The following QKI variants were observed in gnomAD, a reference collection of about 807,000 sequenced individuals.
The protein encoded by QKI is KH domain-containing RNA-binding protein QKI.
In QKI, 10 loss-of-function variants were observed where a neutral mutation model predicts 39.0. The ratio of observed to expected loss-of-function variants is 0.26; its 90% CI spans 0.16 to 0.43. The LOEUF (loss-of-function observed/expected upper bound fraction) is 0.43. QKI is among the 20% of genes least tolerant of loss of function. The pLI, the probability that QKI is intolerant of heterozygous loss-of-function variation, is 1.00. For synonymous variants in QKI, 204 were observed against 155.4 expected, an observed-to-expected ratio of 1.31 and a Z score of -2.33; for missense variants, 218 against 428.0, an observed-to-expected ratio of 0.51 and a Z score of 4.33.
At position 163,478,166 on chromosome 6, in the gene QKI, A is replaced by G. The variant is rs185369581; in HGVS notation, c.286-614A>G. Among the ~76,000 whole-genome samples, 1,023 of 152,252 alleles carry G rather than the reference A, an allele frequency of 6.7e-3. 2 individuals are homozygous for G. Among genetic ancestry groups the G allele is most frequent in the South Asian group, 0.01 (49 of 4,830 alleles). On this transcript the variant is annotated intron_variant, in intron 2 of 7. Transcript: ENST00000361752. Reference sequence around the variant, plus strand: ...TTTTATTGTACAGTTTTTAATTTATACAATTATTGATATCACTGGCCTATT... The same window carrying G: ...TTTTATTGTACAGTTTTTAATTTATGCAATTATTGATATCACTGGCCTATT...
chr6:163,431,857 C>A (rs1167311006), intron 1 of QKI, among the ~76,000 whole-genome samples: 2 of 145,310 alleles, frequency 1.4e-5, no homozygotes, highest in South Asian at 2.2e-4. Flanking sequence ...CCCTGTAATT[C>A]TGCAATTTTA....
At chr6:163,505,092 G>T (rs911582456) in intron 3 of QKI, among the ~76,000 whole-genome samples, 1 of 152,176 alleles carries the variant, frequency 6.6e-6, no homozygotes, top group African/African-American at 2.4e-5. Flanking sequence ...CAAGCCCCAA[G>T]CCTTGGGAGC....
chr6:163,460,624 G>A (rs765518974), intron 2 of QKI, among the ~76,000 whole-genome samples: 4 of 152,114 alleles, frequency 2.6e-5, no homozygotes, highest in Admixed American at 6.6e-5. Flanking sequence ...TTGAGCTGGC[G>A]TTTGTTTTAG....
chr6:163,431,888 G>C (rs1049553723), intron 1 of QKI, among the ~76,000 whole-genome samples: 7 of 149,662 alleles, frequency 4.7e-5, no homozygotes, highest in African/African-American at 1.5e-4. Context: ...GGATTTGAGA[G>C]ATCGTAGACC....
intron 7 of QKI, chr6:163,567,264 A>C (rs1783422268): frequency 1.0e-6 from 1 of 987,482 alleles, no homozygotes; most frequent in Middle Eastern, 5.2e-4. Context: ...TTTTCTTTAT[A>C]ATAAAATATT....
intron 2 of QKI, among the ~76,000 whole-genome samples, chr6:163,475,887 GTTAAAA>G (rs1792552759): frequency 6.6e-6 from 1 of 152,066 alleles, no homozygotes; most frequent in Non-Finnish European, 1.5e-5. Context: ...TTTGAACTGT[GTTAAAA>G]TTAAAAACTT....
At position 163,575,414 on chromosome 6, in the gene QKI, A is replaced by T. The variant is rs534866128; in HGVS notation, c.*4704A>T. ...CATTTTTATACAGGTTACAATATTA[A>T]ACATGAAACTACCAAATTCCAAGAA... On this transcript the variant is annotated 3_prime_UTR_variant, in exon 8 of 8. Transcript: ENST00000361752. The T allele has an allele frequency of 2.6e-5, 4 of 152,354 alleles. No individual in the cohort carries two copies. In the South Asian group the frequency reaches 6.2e-4, roughly 24 times the overall value. 9.4% of individuals were successfully genotyped at this position (152,354 alleles called of 1,614,324 possible). A position where few individuals can be genotyped will look rare whatever the true frequency, so the allele number is the denominator to read the frequency against.
intron 3 of QKI, among the ~76,000 whole-genome samples, chr6:163,525,309 C>T (rs1418399523): frequency 6.8e-6 from 1 of 146,960 alleles, no homozygotes; most frequent in East Asian, 2.0e-4. Context: ...TCTCCCCTCT[C>T]TCCTCTTTTC....
chr6:163,573,529 T>C lies in QKI; in HGVS notation c.*2819T>C, dbSNP rs147007904. 2 of 152,324 alleles carry C rather than the reference T, an allele frequency of 1.3e-5. No homozygotes were observed. Among genetic ancestry groups the C allele is most frequent in the East Asian group, 3.9e-4 (2 of 5,188 alleles). 9.4% of individuals were successfully genotyped at this position (152,324 alleles called of 1,614,324 possible). On this transcript the variant is annotated 3_prime_UTR_variant, in exon 8 of 8. Transcript: ENST00000361752. ...GTTTTATATGTATGTTATATAACATTCAAAAAGAATTTTTTTCTTGATTGA... is the reference window on the plus strand; with the variant it reads ...GTTTTATATGTATGTTATATAACATCCAAAAAGAATTTTTTTCTTGATTGA...
At chr6:163,464,278 A>ATTT (rs146851251) in intron 2 of QKI, among the ~76,000 whole-genome samples, 8 of 147,118 alleles carry the variant, frequency 5.4e-5, no homozygotes, top group African/African-American at 2.0e-4. Context: ...ATTTCCTGGG[A>ATTT]TTTTTTTTTT....
intron 1 of QKI, among the ~76,000 whole-genome samples, chr6:163,442,347 A>G (rs1420167805): frequency 6.6e-6 from 1 of 152,244 alleles, no homozygotes; most frequent in Non-Finnish European, 1.5e-5. Flanking sequence ...GGTAAGTTTT[A>G]TTAGACATAA....
In QKI at chr6:163,577,053, A is replaced by G. The variant is rs1470672604; in HGVS notation, c.*6343A>G. 6.6e-6 allele frequency: 1 copy of G among 152,212 alleles called. No individual in the cohort carries two copies. 9.4% of individuals were successfully genotyped at this position (152,212 alleles called of 1,614,324 possible). ...TGATTTCATCAGCTTCATGAAAAGG[A>G]CTAGTGTCATTAACCTGTTGAACAG... On this transcript the variant is annotated 3_prime_UTR_variant, in exon 8 of 8. Transcript: ENST00000361752.
intron 6 of QKI, chr6:163,564,254 G>A (rs909380937): frequency 1.9e-6 from 2 of 1,030,228 alleles, no homozygotes; most frequent in African/African-American, 3.4e-5. Flanking sequence ...TACAGTCTAA[G>A]AATTGCCTTG....
At chr6:163,552,668 C>T (rs764248732) in intron 4 of QKI, among the ~76,000 whole-genome samples, 3 of 152,012 alleles carry the variant, frequency 2.0e-5, no homozygotes, top group Non-Finnish European at 4.4e-5. Context: ...GGTTCAGCGG[C>T]GTACTCATAT....
intron 3 of QKI, among the ~76,000 whole-genome samples, chr6:163,533,651 T>G (rs1781015065): frequency 6.6e-6 from 1 of 152,176 alleles, no homozygotes; most frequent in Admixed American, 6.5e-5. Flanking sequence ...GACCTTATGT[T>G]GAAACAGTCA....
chr6:163,517,211 A>G (rs754530750), intron 3 of QKI, among the ~76,000 whole-genome samples: 2 of 152,156 alleles, frequency 1.3e-5, no homozygotes, highest in African/African-American at 2.4e-5. Flanking sequence ...AGGAAGATCC[A>G]GAGGGCACTG....
chr6:163,487,645 T>C (rs979607584), intron 3 of QKI, among the ~76,000 whole-genome samples: 1 of 152,174 alleles, frequency 6.6e-6, no homozygotes, highest in African/African-American at 2.4e-5. Flanking sequence ...CTTGAATTCC[T>C]GTGGATTTTG....
chr6:163,461,921 T>C (rs1183541184), intron 2 of QKI, among the ~76,000 whole-genome samples: 1 of 152,192 alleles, frequency 6.6e-6, no homozygotes, highest in Non-Finnish European at 1.5e-5. Flanking sequence ...TGTTTATAAG[T>C]AGGTGACCTA....
intron 1 of QKI, among the ~76,000 whole-genome samples, chr6:163,444,662 A>G (rs1206830007): frequency 2.0e-5 from 3 of 152,230 alleles, no homozygotes; most frequent in Admixed American, 2.0e-4. Flanking sequence ...AGAGTAACGA[A>G]TATATTAAGC....
Sources: gnomAD v4.1 joint callset for allele counts (sites outside exome capture counted in the v4.1 genomes callset) on GRCh38, gnomAD v4.1.1 for gene constraint, MANE v1.5 for transcripts, NCBI Gene and HGNC (gene_info 2026-07-23, HGNC 2026-07-21) for gene names.